The following ISY1 variants were observed in gnomAD, a reference collection of about 807,000 sequenced individuals.
ISY1 encodes the protein ISY1 spliceosome associated protein, also known as pre-mRNA-splicing factor ISY1 homolog.
In ISY1, 12 loss-of-function variants were observed where a neutral mutation model predicts 54.4. That is an observed-to-expected ratio of 0.22 (90% CI 0.14 to 0.36). ISY1 has a LOEUF of 0.36. Ranked by LOEUF, ISY1 falls within the 10% of genes least tolerant of loss-of-function variation. The pLI, the probability that ISY1 is intolerant of heterozygous loss-of-function variation, is 1.00. For missense variants in ISY1, 282 were observed against 342.2 expected (o/e 0.82, Z 1.39); for synonymous variants, 96 against 117.9 (o/e 0.81, Z 1.20).
chr3:129,133,406 G>A (rs2107600467), intron 9 of ISY1, among the ~76,000 whole-genome samples: 1 of 152,274 alleles, frequency 6.6e-6, no homozygotes, highest in African/African-American at 2.4e-5. Flanking sequence ...GTAAGACAGG[G>A]GTGTTAGGGC....
chr3:129,137,572 C>T (rs987283580), intron 7 of ISY1, among the ~76,000 whole-genome samples: 2 of 152,118 alleles, frequency 1.3e-5, no homozygotes, highest in Non-Finnish European at 2.9e-5. Context: ...GTGGCTCACT[C>T]CTGTAATCCT....
At chr3:129,160,896 G>A in intron 1 of ISY1, 77 bp downstream of exon 1, 2 of 1,521,658 alleles carry the variant, frequency 1.3e-6, no homozygotes, top group South Asian at 1.2e-5. Flanking sequence ...TCTACCGAAT[G>A]AGCGCCCCAG....
chr3:129,140,565 G>A lies in ISY1; in HGVS notation c.301-80C>T, dbSNP rs937541436. 52 of 1,407,720 alleles carry A rather than the reference G, an allele frequency of 3.7e-5. No individual in the cohort carries two copies. In the East Asian group the frequency reaches 1.1e-3, roughly 31 times the overall value. The allele number at this position is 1,407,720 out of a possible 1,614,324, so 87.2% of individuals were successfully genotyped here. Reference sequence around the variant, plus strand: ...TATTTATTTATTTATTTGAGGCGGAGTCTCGCTCTGTTGCCCATTTATTTA... The same window carrying A: ...TATTTATTTATTTATTTGAGGCGGAATCTCGCTCTGTTGCCCATTTATTTA... On this transcript the variant is annotated intron_variant, in intron 6 of 10. Coordinates refer to ENST00000393295, the MANE Select transcript of ISY1 (RefSeq NM_020701.4).
Position 129,152,564 on chromosome 3 carries a change from C to T in ISY1, c.187+4069G>A, listed in dbSNP as rs546435542. ...GACTACAGGCACCTGCCACCACGCCCGGCTAATTTTTTTGTATTTTTAGTA... is the reference window on the plus strand; with the variant it reads ...GACTACAGGCACCTGCCACCACGCCTGGCTAATTTTTTTGTATTTTTAGTA... On this transcript the variant is annotated intron_variant, in intron 5 of 10. Transcript: ENST00000393295. Among the ~76,000 whole-genome samples the T allele has an allele frequency of 5.9e-5, 9 of 152,158 alleles. No homozygotes were observed. The South Asian group carries it at 6.2e-4, about 11-fold the overall frequency.
intron 7 of ISY1, 93 bp from the exon 8 acceptor site, chr3:129,135,047 C>T (rs1255768116): frequency 5.6e-6 from 8 of 1,441,256 alleles, no homozygotes; most frequent in South Asian, 5.2e-5. Flanking sequence ...ACACGTGGCA[C>T]GTATGTTCAT....
At chr3:129,150,574 G>T (rs537019596) in intron 5 of ISY1, among the ~76,000 whole-genome samples, 1 of 152,080 alleles carries the variant, frequency 6.6e-6, no homozygotes, top group Non-Finnish European at 1.5e-5. Context: ...TTAGCCAGAC[G>T]TGGTGGTGGG....
chr3:129,153,329 T>C (rs1404249324), intron 5 of ISY1, among the ~76,000 whole-genome samples: 1 of 152,172 alleles, frequency 6.6e-6, no homozygotes, highest in Non-Finnish European at 1.5e-5. Flanking sequence ...TTAACAGATA[T>C]AGGACTACTC....
chr3:129,155,828 TCTC>T (rs1937118071), intron 5 of ISY1, among the ~76,000 whole-genome samples: 1 of 151,752 alleles, frequency 6.6e-6, no homozygotes, highest in Non-Finnish European at 1.5e-5. Context: ...TTCAAGCGAT[TCTC>T]CTGCCTCAGC....
At chr3:129,157,371 T>C (rs1937172866) in intron 3 of ISY1, among the ~76,000 whole-genome samples, 1 of 152,180 alleles carries the variant, frequency 6.6e-6, no homozygotes, top group South Asian at 2.1e-4. Context: ...AGCTTACAGC[T>C]GTTCTCCACA....
At chr3:129,132,485 G>T (rs904296784) in intron 9 of ISY1, among the ~76,000 whole-genome samples, 1 of 152,120 alleles carries the variant, frequency 6.6e-6, no homozygotes, top group South Asian at 2.1e-4. Flanking sequence ...CTCATCACAG[G>T]ATCTCTCAGC....
At chr3:129,140,335 A>G (rs1457825222) in intron 7 of ISY1, 33 bp downstream of exon 7, 3 of 1,565,986 alleles carry the variant, frequency 1.9e-6, no homozygotes, top group East Asian at 2.3e-5. Flanking sequence ...ATTATTACCA[A>G]TGAAAGGCTA....
intron 5 of ISY1, among the ~76,000 whole-genome samples, chr3:129,151,174 T>C (rs898995684): frequency 6.8e-6 from 1 of 147,346 alleles, no homozygotes; most frequent in Non-Finnish European, 1.5e-5. Flanking sequence ...TATATAAAAA[T>C]ATATATAAAT....
At chr3:129,133,408 T>A (rs1936291577) in intron 9 of ISY1, among the ~76,000 whole-genome samples, 1 of 151,992 alleles carries the variant, frequency 6.6e-6, no homozygotes, top group Non-Finnish European at 1.5e-5. Flanking sequence ...AAGACAGGGG[T>A]GTTAGGGCTG....
chr3:129,135,689 C>A (rs1238162831), intron 7 of ISY1, among the ~76,000 whole-genome samples: 1 of 151,612 alleles, frequency 6.6e-6, no homozygotes, highest in Non-Finnish European at 1.5e-5. Context: ...TCGCTTGAAC[C>A]CAGGGGACAG....
intron 1 of ISY1, 55 bp downstream of exon 1, chr3:129,160,918 G>GGCCCCGGGGGGGGGGGGGCCCCC: frequency 1.5e-6 from 1 of 666,128 alleles, no homozygotes; most frequent in Admixed American, 2.2e-5. Flanking sequence ...TGGACTGGGC[G>GGCCCCGGGGGGGGGGGGGCCCCC]CCCCCCCGCC....
Position 129,136,109 on chromosome 3 carries a change from CT to C in ISY1, c.419-1156del, listed in dbSNP as rs766221592. Among the ~76,000 whole-genome samples, 122 of 145,170 alleles carry C rather than the reference CT, an allele frequency of 8.4e-4. 1 individual carries two copies. The highest frequency in any genetic ancestry group is 1.1e-3 in the Admixed American group (16 of 14,422). ...TACAATCCAGAATATTTAAGTAATTCTTTTTTTTTTTTGAGATGGAATTTCG... is the reference window on the plus strand; with the variant it reads ...TACAATCCAGAATATTTAAGTAATTCTTTTTTTTTTTGAGATGGAATTTCG... On this transcript the variant is annotated intron_variant, in intron 7 of 10. Coordinates refer to ENST00000393295, the MANE Select transcript of ISY1 (RefSeq NM_020701.4).
intron 5 of ISY1, among the ~76,000 whole-genome samples, chr3:129,149,605 AAAAAAATATATATATAT>A (rs1432506721): frequency 2.3e-5 from 2 of 88,874 alleles, no homozygotes; most frequent in Non-Finnish European, 4.1e-5. Flanking sequence ...AAAAAAAAAA[AAAAAAATATATATATAT>A]ATATATATAT....
intron 3 of ISY1, 145 bp from the exon 4 acceptor site, chr3:129,157,065 T>A: frequency 1.2e-6 from 1 of 846,222 alleles, no homozygotes; most frequent in Non-Finnish European, 1.8e-6. Flanking sequence ...CATCAAGCCT[T>A]AAACCTCATT....
chr3:129,130,813 G>A (rs1398696889), intron 9 of ISY1, 177 bp from the exon 10 acceptor site: 3 of 595,792 alleles, frequency 5.0e-6, no homozygotes, highest in Non-Finnish European at 8.3e-6. Context: ...AGAACACGCT[G>A]TATATTATGC....
Sources: allele counts gnomAD v4.1 joint callset (sites outside exome capture counted in the v4.1 genomes callset), GRCh38; gene constraint gnomAD v4.1.1; transcripts MANE v1.5; gene names NCBI Gene and HGNC (gene_info 2026-07-23, HGNC 2026-07-21).